Variants in FAM120C observed in about 807,000 individuals in gnomAD.
The protein encoded by FAM120C is family with sequence similarity 120 member C.
FAM120C carries 14 observed loss-of-function variants against 71.2 expected under a neutral mutation model. The observed-to-expected ratio is 0.20, with a 90% CI of 0.13 to 0.31. The LOEUF (loss-of-function observed/expected upper bound fraction) is 0.31. FAM120C is among the 10% of genes least tolerant of loss of function. The pLI, the probability that FAM120C is intolerant of heterozygous loss-of-function variation, is 1.00. For missense variants in FAM120C, 500 were observed against 879.0 expected (o/e 0.57, Z 5.45); for synonymous variants, 354 against 353.2 (o/e 1.00, Z -0.03).
intron 15 of FAM120C, 49 bp from the exon 16 acceptor site, chrX:54,073,336 G>C: frequency 8.7e-7 from 1 of 1,153,024 alleles, no homozygotes; most frequent in Non-Finnish European, 1.2e-6. Flanking sequence ...CAGACTGGCT[G>C]ACCCTTCCTA....
At chrX:54,172,839 T>C (rs1436951426) in intron 1 of FAM120C, among the ~76,000 whole-genome samples, 3 of 112,099 alleles carry the variant, frequency 2.7e-5, no homozygotes, top group Non-Finnish European at 5.6e-5. Flanking sequence ...GCTGTTGGTC[T>C]AGGACCATAC....
At chrX:54,136,936 T>G (rs1370418845) in intron 4 of FAM120C, among the ~76,000 whole-genome samples, 3 of 107,963 alleles carry the variant, frequency 2.8e-5, no homozygotes, top group Non-Finnish European at 3.8e-5. Flanking sequence ...TGTTTTAATT[T>G]TATTATTTTA....
chrX:54,159,696 T>TTTTATAG (rs2067226601), intron 1 of FAM120C, 80 bp from the exon 2 acceptor site: 1 of 1,047,527 alleles, frequency 9.5e-7, no homozygotes, highest in South Asian at 2.3e-5. Context: ...AGCAACTAAA[T>TTTTATAG]TTTATAGTTT....
intron 15 of FAM120C, among the ~76,000 whole-genome samples, chrX:54,076,678 T>C (rs1557120718): frequency 1.8e-5 from 2 of 111,898 alleles, no homozygotes. Context: ...GTCACTTTCC[T>C]CATCTGTAAA....
At chrX:54,140,120 TC>T (rs1435333949) in intron 4 of FAM120C, among the ~76,000 whole-genome samples, 1 of 105,681 alleles carries the variant, frequency 9.5e-6, no homozygotes, top group Non-Finnish European at 1.9e-5. Flanking sequence ...CATGGTGAAA[TC>T]CCGTCTCTAT....
chrX:54,142,672 G>A (rs1426716560), intron 4 of FAM120C, among the ~76,000 whole-genome samples: 1 of 112,254 alleles, frequency 8.9e-6, no homozygotes, highest in Non-Finnish European at 1.9e-5. Flanking sequence ...GCAGGGCATA[G>A]CTGAACAAAA....
intron 1 of FAM120C, among the ~76,000 whole-genome samples, chrX:54,176,453 A>G (rs2067318967): frequency 9.3e-6 from 1 of 107,049 alleles, no homozygotes; most frequent in Admixed American, 1.0e-4. Context: ...AAAAAAAAAG[A>G]GATTTAATCT....
intron 4 of FAM120C, among the ~76,000 whole-genome samples, chrX:54,139,965 T>C (rs1557131343): frequency 9.0e-6 from 1 of 111,323 alleles, no homozygotes; most frequent in African/African-American, 3.3e-5. Flanking sequence ...GGCTCTCCTT[T>C]TTCCAAAAAG....
At chrX:54,115,582 A>G (rs1413966231) in intron 10 of FAM120C, among the ~76,000 whole-genome samples, 4 of 111,829 alleles carry the variant, frequency 3.6e-5, no homozygotes, top group African/African-American at 9.7e-5. Context: ...GAGAAATTCT[A>G]CTTCTCAGTA....
chrX:54,132,564 T>C, intron 9 of FAM120C, 128 bp downstream of exon 9: 1 of 470,324 alleles, frequency 2.1e-6, no homozygotes. Flanking sequence ...CCAGTATCAG[T>C]ATGCATTTTG....
Position 54,068,429 on chromosome X carries a change from A to G in FAM120C, c.*4604T>C, listed in dbSNP as rs1199833655. 9.0e-6 allele frequency: 1 copy of G among 111,399 alleles called. No individual in the cohort carries two copies. Among genetic ancestry groups the G allele is most frequent in the African/African-American group, 3.3e-5 (1 of 30,626 alleles). 9.2% of individuals were successfully genotyped at this position (111,399 alleles called of 1,213,427 possible). The stretch of plus-strand genomic sequence containing the variant: ...ACAGACCAATTTCCATCACAGAACA[A>G]CTCCTGAGGCATTCTCATTCCTTTC... On this transcript the variant is annotated 3_prime_UTR_variant, in exon 16 of 16. Coordinates refer to ENST00000375180, the MANE Select transcript of FAM120C (RefSeq NM_017848.6).
At chrX:54,093,177 G>A (rs1470366782) in intron 10 of FAM120C, among the ~76,000 whole-genome samples, 1 of 111,656 alleles carries the variant, frequency 9.0e-6, no homozygotes, top group African/African-American at 3.3e-5. Context: ...GCATTAATCT[G>A]GTCATGCCAA....
rs1557120161 is a variant in FAM120C at position 54,072,411 on chromosome X, A to C, written c.*622T>G. On this transcript the variant is annotated 3_prime_UTR_variant, in exon 16 of 16. Coordinates refer to ENST00000375180, the MANE Select transcript of FAM120C (RefSeq NM_017848.6). ...TTGATAGTTTTTTTGAAGTGTATAA[A>C]ATAAAAAATAAAAATTAAAATAACC... 9.1e-6 allele frequency: 1 copy of C among 110,239 alleles called. No homozygotes were observed. Among genetic ancestry groups the C allele is most frequent in the Non-Finnish European group, 1.9e-5 (1 of 52,807 alleles). The allele number at this position is 110,239 out of a possible 1,213,427, so 9.1% of individuals were successfully genotyped here.
chrX:54,154,925 G>A (rs1204768001), intron 3 of FAM120C, among the ~76,000 whole-genome samples: 5 of 111,150 alleles, frequency 4.5e-5, no homozygotes, highest in African/African-American at 1.6e-4. Flanking sequence ...AAGGGGCCGG[G>A]CATGGTGGCT....
In FAM120C at chrX:54,071,910, G is replaced by A. The variant is rs1442514677; in HGVS notation, c.*1123C>T. 2.8e-5 allele frequency: 3 copies of A among 105,817 alleles called. No individual in the cohort carries two copies. The highest frequency in any genetic ancestry group is 1.0e-4 in the African/African-American group (3 of 28,987). 8.7% of individuals were successfully genotyped at this position (105,817 alleles called of 1,213,427 possible). A position where few individuals can be genotyped will look rare whatever the true frequency, so the allele number is the denominator to read the frequency against. On this transcript the variant is annotated 3_prime_UTR_variant, in exon 16 of 16. Transcript: ENST00000375180. The stretch of plus-strand genomic sequence containing the variant: ...GCAGTGGAAGCATTTCTGGGAAATT[G>A]AGTAAATCCTCTGGGACATCACCAT...
intron 1 of FAM120C, chrX:54,173,872 A>G: frequency 6.2e-6 from 2 of 324,685 alleles, no homozygotes; most frequent in Non-Finnish European, 1.1e-5. Context: ...ATCTCATAGT[A>G]TCTGTAGGCA....
chrX:54,113,540 A>G (rs1557126091), intron 10 of FAM120C, among the ~76,000 whole-genome samples: 1 of 111,412 alleles, frequency 9.0e-6, no homozygotes, highest in African/African-American at 3.3e-5. Context: ...TGCACAGCAA[A>G]AGAAATAAGA....
At chrX:54,128,136 T>TGGG (rs1557128352) in intron 9 of FAM120C, among the ~76,000 whole-genome samples, 1 of 111,177 alleles carries the variant, frequency 9.0e-6, no homozygotes, top group Non-Finnish European at 1.9e-5. Flanking sequence ...TTCATGCAAT[T>TGGG]CTTGTGCCTC....
intron 1 of FAM120C, among the ~76,000 whole-genome samples, chrX:54,181,683 G>A (rs956245324): frequency 1.9e-4 from 21 of 111,939 alleles, no homozygotes; most frequent in Non-Finnish European, 3.8e-4. Context: ...GGTGAGGTCC[G>A]ACTTCTTCAG....
Sources: gnomAD v4.1 joint callset for allele counts (sites outside exome capture counted in the v4.1 genomes callset) on GRCh38, gnomAD v4.1.1 for gene constraint, MANE v1.5 for transcripts, NCBI Gene and HGNC (gene_info 2026-07-23, HGNC 2026-07-21) for gene names.